The following ZNF687 variants were observed in gnomAD, a reference collection of about 807,000 sequenced individuals.
The protein encoded by ZNF687 is zinc finger protein 687.
ZNF687 carries 13 observed loss-of-function variants against 71.8 expected under a neutral mutation model. The observed-to-expected ratio is 0.18, with a 90% confidence interval of 0.12 to 0.29. The LOEUF is 0.29. Ranked by LOEUF, ZNF687 falls within the 10% of genes least tolerant of loss-of-function variation. The pLI is 1.00. For synonymous variants in ZNF687, 673 were observed against 641.6 expected (o/e 1.05, Z -0.74); for missense variants, 1,412 against 1,625.6 (o/e 0.87, Z 2.26).
At position 151,288,181 on chromosome 1, in the gene ZNF687, G is replaced by T; in HGVS notation, c.1890G>T (p.Leu630Phe). 1 of 1,613,828 alleles carries T rather than the reference G, an allele frequency of 6.2e-7. No individual in the cohort carries two copies. Among genetic ancestry groups the T allele is most frequent in the Non-Finnish European group, 8.5e-7 (1 of 1,179,928 alleles). ...AVPPVSGPLA[L>F]PALGKGEGAI... ...CACCTGTCTCTGGACCTCTGGCCTT[G>T]CCTGCCTTGGGCAAGGGTGAGGGGG... Residue 630 changes from leucine (L) to phenylalanine (F), a missense_variant, in exon 2 of 9, where the codon TTG becomes TTT. Transcript: ENST00000336715.
At position 151,288,634 on chromosome 1, in the gene ZNF687, A is replaced by C; in HGVS notation, c.2222A>C (p.Asn741Thr). Residue 741 changes from asparagine to threonine, a missense_variant, in exon 3 of 9, where the codon AAC (asparagine) becomes ACC (threonine). Physicochemically the swap from Asn to Thr is moderately conservative, Grantham distance 65. This residue lies in a region of ZNF687 where 207 missense variants were observed against 239.2 expected (regional missense o/e 0.87). Transcript: ENST00000336715. ...CATGTCTGTCCTGAGTGTGGGGGCAACTTCCTGCAAGCCAATTTTCAGACC... is the reference window on the plus strand; with the variant it reads ...CATGTCTGTCCTGAGTGTGGGGGCACCTTCCTGCAAGCCAATTTTCAGACC... ...PPHVCPECGG[N>T]FLQANFQTHL... 1 of 1,614,058 alleles carries C rather than the reference A, an allele frequency of 6.2e-7. No individual in the cohort carries two copies.
At chr1:151,281,685 C>A, upstream of ZNF687, 1 of 449,748 alleles carries the variant, frequency 2.2e-6, no homozygotes, top group Non-Finnish European at 4.7e-6. Flanking sequence ...GCGATTTAGA[C>A]GGTGGGAAGA....
chr1:151,285,996 C>T, intron 1 of ZNF687: 1 of 241,874 alleles, frequency 4.1e-6, no homozygotes, highest in Non-Finnish European at 7.9e-6. Context: ...CAAGCATGAG[C>T]CACCGCACCT....
Position 151,290,587 on chromosome 1 carries a change from C to G in ZNF687, c.3219+14C>G. The G allele has an allele frequency of 6.2e-7, 1 of 1,610,062 alleles. No homozygotes were observed. Among genetic ancestry groups the G allele is most frequent in the South Asian group, 1.1e-5 (1 of 90,406 alleles). On this transcript the variant is annotated intron_variant, in intron 8 of 8. Coordinates refer to ENST00000336715, the MANE Select transcript of ZNF687 (RefSeq NM_020832.3). Reference sequence around the variant, plus strand: ...GCCAGAGCCCAGGTAGGCAGAGGCCCGGCCTGCTGTGCTAGGGCTTTGAGT... The same window carrying G: ...GCCAGAGCCCAGGTAGGCAGAGGCCGGGCCTGCTGTGCTAGGGCTTTGAGT...
rs768446721 is a variant in ZNF687, at chr1:151,290,217, G to A, written c.3060G>A (p.Lys1020=). 1.2e-6 allele frequency: 2 copies of A among 1,613,864 alleles called. No homozygotes were observed. The highest frequency in any genetic ancestry group is 3.3e-5 in the Admixed American group (2 of 60,008). The change falls in exon 7 of 9, where the codon AAG becomes AAA. Residue 1020 remains lysine (K), a synonymous_variant. Transcript: ENST00000336715. The stretch of plus-strand genomic sequence containing the variant: ...TCAGAGTTAATCACGAGGGCATCAA[G>A]CGAGTTTACCCCTGCAGGTAAGTCT... The part of the protein sequence containing the change: ...RHVRVNHEGI[K]RVYPCRYCTE...
chr1:151,289,292 G>A (rs368167563), intron 4 of ZNF687, 21 bp downstream of exon 4: 15 of 1,612,800 alleles, frequency 9.3e-6, no homozygotes, highest in African/African-American at 4.0e-5. Flanking sequence ...GGGGAGGGCC[G>A]GGCTGGGCCA....
chr1:151,283,029 C>T (rs1693789586), intron 1 of ZNF687: 3 of 815,014 alleles, frequency 3.7e-6, no homozygotes, highest in Admixed American at 6.2e-5. Context: ...CCTGTGTAGT[C>T]CTGGGTCCCC....
chr1:151,286,873 T>C lies in ZNF687; in HGVS notation c.582T>C (p.Pro194=). Reference sequence around the variant, plus strand: ...GGGAGGGGGCTCTGACCCCGCCTCCTTTCCCCTCTTCCTTTGAGCTGGCCC... The same window carrying C: ...GGGAGGGGGCTCTGACCCCGCCTCCCTTCCCCTCTTCCTTTGAGCTGGCCC... ...PTREGALTPP[P]FPSSFELAQE... is the part of the protein sequence containing the mutation. The change falls in exon 2 of 9, where the codon CCT becomes CCC. Residue 194 remains proline, a synonymous_variant. Transcript: ENST00000336715. 6.2e-7 allele frequency: 1 copy of C among 1,613,326 alleles called. No homozygotes were observed. Among genetic ancestry groups the C allele is most frequent in the South Asian group, 1.1e-5 (1 of 91,018 alleles).
chr1:151,282,899 T>A (rs1045868575), intron 1 of ZNF687, among the ~76,000 whole-genome samples: 1 of 152,126 alleles, frequency 6.6e-6, no homozygotes, highest in African/African-American at 2.4e-5. Context: ...GGGAGGAGGC[T>A]CCGCTGCGCC....
rs1693947064 is a variant in ZNF687, at chr1:151,286,410, C to G, written c.119C>G (p.Pro40Arg). 1.2e-6 allele frequency: 2 copies of G among 1,613,400 alleles called. No homozygotes were observed. Among genetic ancestry groups the G allele is most frequent in the Admixed American group, 1.7e-5 (1 of 59,800 alleles). The change falls in exon 2 of 9, where the codon CCA becomes CGA. Residue 40 changes from proline (P) to arginine (R), a missense_variant. Physicochemically the swap from Pro to Arg is moderately radical, Grantham distance 103 (BLOSUM62 -2). Coordinates refer to ENST00000336715, the MANE Select transcript of ZNF687 (RefSeq NM_020832.3). ...GPEENEGPGG[P>R]GKPEPGVGSE... ...GAAGAAAATGAGGGGCCTGGAGGCC[C>G]AGGGAAGCCAGAACCAGGTGTAGGA...
upstream of ZNF687, chr1:151,281,897 T>C: frequency 3.0e-6 from 2 of 656,664 alleles, no homozygotes; most frequent in Non-Finnish European, 4.5e-6. Context: ...GAAAGTGAAC[T>C]GCAGCTTCAA....
chr1:151,282,244 A>C, upstream of ZNF687: 1 of 1,018,372 alleles, frequency 9.8e-7, no homozygotes, highest in Admixed American at 5.5e-5. Flanking sequence ...CGGGCAGCCC[A>C]GACCTGGAGC....
Position 151,289,199 on chromosome 1 carries a change from C to T in ZNF687, c.2399C>T (p.Ala800Val). Residue 800 changes from alanine (A) to valine (V), a missense_variant, in exon 4 of 9, where the codon GCC becomes GTC. This residue lies in a region of ZNF687 where 106 missense variants were observed against 146.0 expected (regional missense o/e 0.73). Coordinates refer to ENST00000336715, the MANE Select transcript of ZNF687 (RefSeq NM_020832.3). ...VFHKCPICPMAFKSGPSAHAH... is the reference protein window; with the variant it reads ...VFHKCPICPMVFKSGPSAHAH... ...CACAAGTGCCCCATCTGCCCCATGG[C>T]CTTCAAGTCTGGGCCAAGTGCCCAT... 6.2e-7 allele frequency: 1 copy of T among 1,614,202 alleles called. No homozygotes were observed. Among genetic ancestry groups the T allele is most frequent in the Non-Finnish European group, 8.5e-7 (1 of 1,180,050 alleles).
rs371945149 is a variant in ZNF687 at position 151,286,847 on chromosome 1, C to T, written c.556C>T (p.Arg186Trp). The T allele has an allele frequency of 1.2e-5, 20 of 1,613,934 alleles. No homozygotes were observed. Among genetic ancestry groups the T allele is most frequent in the African/African-American group, 4.0e-5 (3 of 75,072 alleles). ...GCCTCCCTCTGCACCCTCTCCCACT[C>T]GGGAGGGGGCTCTGACCCCGCCTCC... is the stretch of plus-strand genomic sequence containing the variant. ...PLPPSAPSPT[R>W]EGALTPPPFP... The change falls in exon 2 of 9, where the codon CGG (arginine) becomes TGG (tryptophan). Residue 186 changes from arginine to tryptophan, a missense_variant. By Grantham distance (101) the Arg-to-Trp change is moderately radical. Coordinates refer to ENST00000336715, the MANE Select transcript of ZNF687 (RefSeq NM_020832.3).
rs956655376 is a variant in ZNF687 at position 151,282,315 on chromosome 1, C to T, written c.-98C>T. The T allele has an allele frequency of 2.0e-6, 2 of 998,774 alleles. No homozygotes were observed. The highest frequency in any genetic ancestry group is 1.2e-4 in the Admixed American group (2 of 17,350). 61.9% of individuals were successfully genotyped at this position (998,774 alleles called of 1,614,324 possible). A position where few individuals can be genotyped will look rare whatever the true frequency, so the allele number is the denominator to read the frequency against. On this transcript the variant is annotated 5_prime_UTR_variant, in exon 1 of 9. Transcript: ENST00000336715. ...GAGAGAAGCAGGAAGTAGCGGCGGC[C>T]GCGGGGAGGGCGGCGGTGGCTGCAG... is the stretch of plus-strand genomic sequence containing the variant.
chr1:151,284,802 CTTTTTTTTTTTTT>C (rs869269504), intron 1 of ZNF687, among the ~76,000 whole-genome samples: 10 of 56,432 alleles, frequency 1.8e-4, no homozygotes, highest in Admixed American at 4.5e-4. Flanking sequence ...CTTGTCTTGT[CTTTTTTTTTTTTT>C]TTTTTTTTTT....
chr1:151,282,040 A>C, upstream of ZNF687: 2 of 1,278,552 alleles, frequency 1.6e-6, no homozygotes, highest in Non-Finnish European at 2.1e-6. Flanking sequence ...CGAGACTCGT[A>C]GATGGGGCAG....
At chr1:151,283,114 G>A in intron 1 of ZNF687, 1 of 985,476 alleles carries the variant, frequency 1.0e-6, no homozygotes, top group Non-Finnish European at 1.2e-6. Flanking sequence ...CGGTGCGAGT[G>A]AGAGAAGGGC....
Position 151,287,002 on chromosome 1 carries a change from A to T in ZNF687, c.711A>T (p.Gln237His), listed in dbSNP as rs2101871539. The change falls in exon 2 of 9, where the codon CAA becomes CAT. Residue 237 changes from glutamine (Q) to histidine (H), a missense_variant. Transcript: ENST00000336715. This position sits in a 1 kb window ranked among gnomAD's most constrained non-coding sequence, Gnocchi z 5.0. ...SPHHPQVLAQ[Q>H]GSGSSPKATD... The stretch of plus-strand genomic sequence containing the variant: ...ATCATCCCCAGGTCCTAGCCCAACA[A>T]GGCTCAGGCTCCAGCCCTAAGGCCA... 1 of 1,601,374 alleles carries T rather than the reference A, an allele frequency of 6.2e-7. No homozygotes were observed. Among genetic ancestry groups the T allele is most frequent in the East Asian group, 2.2e-5 (1 of 44,618 alleles).
Sources: gnomAD v4.1 joint callset for allele counts (sites outside exome capture counted in the v4.1 genomes callset) on GRCh38, gnomAD v4.1.1 for gene constraint, gnomAD v4.1.1 regional missense constraint, Gnocchi (gnomAD v3.1) non-coding constraint, MANE v1.5 for transcripts, NCBI Gene and HGNC (gene_info 2026-07-23, HGNC 2026-07-21) for gene names.